The following FOCAD variants were observed in gnomAD, a reference collection of about 807,000 sequenced individuals.
The protein encoded by FOCAD is focadhesin.
In FOCAD, 198 loss-of-function variants were observed where a neutral mutation model predicts 225.6. The observed-to-expected ratio is 0.88, with a 90% CI of 0.78 to 0.99. FOCAD has a LOEUF of 0.99. Ranked by LOEUF, FOCAD falls within the 50% of genes least tolerant of loss-of-function variation. The probability of loss-of-function intolerance (pLI) is 0.00; values close to 1 mark genes in which losing one functional copy is unlikely to be tolerated. For missense variants in FOCAD, 2,713 were observed against 2,123.6 expected (o/e 1.28, Z -5.46); for synonymous variants, 897 against 755.0 (o/e 1.19, Z -3.08).
chr9:20,727,610 TTA>T (rs141158156), intron 4 of FOCAD, among the ~76,000 whole-genome samples: 2,521 of 152,342 alleles, frequency 0.017, 79 homozygotes, highest in African/African-American at 0.058. Context: ...TTGTCTCTGT[TTA>T]TCTCTTTCAT....
At chr9:20,814,066 C>A (rs1352321058) in intron 11 of FOCAD, among the ~76,000 whole-genome samples, 2 of 152,092 alleles carry the variant, frequency 1.3e-5, no homozygotes, top group African/African-American at 4.8e-5. Context: ...TCACTTTCAG[C>A]CTGTGTGTGT....
intron 11 of FOCAD, among the ~76,000 whole-genome samples, chr9:20,796,573 G>C (rs1274321690): frequency 1.2e-4 from 18 of 152,288 alleles, no homozygotes; most frequent in Middle Eastern, 3.4e-3. Context: ...CAGTGATGAT[G>C]AGCATTTTTT....
At chr9:20,971,925 T>A (rs1839800268) in intron 35 of FOCAD, among the ~76,000 whole-genome samples, 1 of 152,174 alleles carries the variant, frequency 6.6e-6, no homozygotes, top group Non-Finnish European at 1.5e-5. Flanking sequence ...TCTAGCATGA[T>A]TTTCTTTTTT....
intron 11 of FOCAD, among the ~76,000 whole-genome samples, chr9:20,813,101 A>G (rs900746279): frequency 6.6e-6 from 1 of 152,144 alleles, no homozygotes; most frequent in Non-Finnish European, 1.5e-5. Context: ...TACTTCATAT[A>G]AGTGGAATAA....
intron 21 of FOCAD, among the ~76,000 whole-genome samples, chr9:20,891,336 C>T (rs983157915): frequency 3.3e-5 from 5 of 152,106 alleles, no homozygotes; most frequent in African/African-American, 1.2e-4. Context: ...CACTTGAAAC[C>T]AAAAGCTAGA....
Position 20,948,382 on chromosome 9 carries a change from G to C in FOCAD, c.3787G>C (p.Val1263Leu). 1.9e-6 allele frequency: 3 copies of C among 1,611,754 alleles called. No individual in the cohort carries two copies. Among genetic ancestry groups the C allele is most frequent in the Non-Finnish European group, 2.5e-6 (3 of 1,178,460 alleles). ...SKLLPAWIRI[V>L]LTEGTPTMLC... ...ACTACTCCCTGCCTGGATCAGAATT[G>C]TTCTAACAGAGGTAGAGGTCACCTG... The change falls in exon 31 of 44, where the codon GTT becomes CTT. Residue 1263 changes from valine to leucine, a missense_variant. By Grantham distance (32) the Val-to-Leu change is conservative. Transcript: ENST00000338382.
intron 20 of FOCAD, 152 bp downstream of exon 20, chr9:20,882,208 C>G (rs904427620): frequency 7.4e-6 from 5 of 672,672 alleles, no homozygotes; most frequent in Middle Eastern, 4.0e-4. Context: ...TAAAAGACAT[C>G]GCAGAACTGT....
chr9:20,744,933 A>G (rs1827925649), intron 5 of FOCAD, among the ~76,000 whole-genome samples: 1 of 152,124 alleles, frequency 6.6e-6, no homozygotes, highest in Non-Finnish European at 1.5e-5. Flanking sequence ...TGCAGGTACT[A>G]TTTTCAAGAA....
intron 23 of FOCAD, among the ~76,000 whole-genome samples, chr9:20,915,514 C>T (rs1387870275): frequency 6.6e-6 from 1 of 152,054 alleles, no homozygotes; most frequent in African/African-American, 2.4e-5. Flanking sequence ...TAGATTCAGT[C>T]TCTTGAAAAT....
In FOCAD at chr9:20,929,621, C is replaced by T; in HGVS notation, c.3317+25C>T. On this transcript the variant is annotated intron_variant, in intron 27 of 43. Transcript: ENST00000338382. ...GGTACAGTTTATTAAAATATTCCTG[C>T]TTTTCTTCTTTGTGATTTTTTGCAA... 3 of 1,593,940 alleles carry T rather than the reference C, an allele frequency of 1.9e-6. No individual in the cohort carries two copies. In the Admixed American group the frequency reaches 5.1e-5, roughly 27 times the overall value.
In FOCAD at chr9:20,876,621, A is replaced by T. The variant is rs564766855; in HGVS notation, c.2317+1814A>T. Among the ~76,000 whole-genome samples the T allele has an allele frequency of 2.0e-5, 3 of 152,274 alleles. No individual in the cohort carries two copies. In the East Asian group the frequency reaches 5.8e-4, roughly 29 times the overall value. On this transcript the variant is annotated intron_variant, in intron 19 of 43. Coordinates refer to ENST00000338382, the MANE Select transcript of FOCAD (RefSeq NM_001375567.1). ...TTGTTTGAGAAAATTTAGTAATTTGAGTGAGGTGGGTGATCTAGATGCTAT... is the reference window on the plus strand; with the variant it reads ...TTGTTTGAGAAAATTTAGTAATTTGTGTGAGGTGGGTGATCTAGATGCTAT...
intron 16 of FOCAD, among the ~76,000 whole-genome samples, chr9:20,864,698 T>C (rs911905819): frequency 1.3e-5 from 2 of 152,134 alleles, no homozygotes; most frequent in Admixed American, 6.6e-5. Context: ...GATTTAATTA[T>C]AGTGTATTTT....
intron 2 of FOCAD, among the ~76,000 whole-genome samples, chr9:20,659,874 C>A (rs891037034): frequency 6.6e-6 from 1 of 152,098 alleles, no homozygotes; most frequent in African/African-American, 2.4e-5. Context: ...AAGGCAGTGA[C>A]CATCGGAGTG....
chr9:20,767,780 G>C (rs1417896244), intron 7 of FOCAD, among the ~76,000 whole-genome samples: 2 of 148,118 alleles, frequency 1.4e-5, no homozygotes, highest in Non-Finnish European at 3.0e-5. Context: ...TAGGTTGCCT[G>C]TTCACTCTGA....
chr9:20,970,868 T>C (rs936242114), intron 35 of FOCAD, among the ~76,000 whole-genome samples: 2 of 152,206 alleles, frequency 1.3e-5, no homozygotes, highest in Non-Finnish European at 2.9e-5. Context: ...AAATATATGA[T>C]TTTATGACAT....
intron 11 of FOCAD, among the ~76,000 whole-genome samples, chr9:20,817,263 A>C (rs1823821780): frequency 6.6e-6 from 1 of 152,166 alleles, no homozygotes; most frequent in Non-Finnish European, 1.5e-5. Context: ...AATGGCTTTT[A>C]TTATATTTAC....
intron 8 of FOCAD, among the ~76,000 whole-genome samples, chr9:20,773,238 C>G (rs1204868845): frequency 1.3e-5 from 2 of 152,106 alleles, no homozygotes; most frequent in Admixed American, 1.3e-4. Flanking sequence ...AAGCAGATGC[C>G]TATGGCAAAC....
chr9:20,866,917 T>TTTAAAA lies in FOCAD; in HGVS notation c.2107-12_2107-11insTTAAAA. On this transcript the variant is annotated splice_polypyrimidine_tract_variant and intron_variant, in intron 17 of 43. Coordinates refer to ENST00000338382, the MANE Select transcript of FOCAD (RefSeq NM_001375567.1). ...TTTTTTTTTTTTTTTTTTTTTTTTT[T>TTTAAAA]ACCCTATCTAGGACCCAATTGTAGC... 3 of 764,968 alleles carry TTTAAAA rather than the reference T, an allele frequency of 3.9e-6. No homozygotes were observed. The highest frequency in any genetic ancestry group is 6.0e-6 in the Non-Finnish European group (3 of 498,464). The allele number at this position is 764,968 out of a possible 1,614,324, so 47.4% of individuals were successfully genotyped here. A position where few individuals can be genotyped will look rare whatever the true frequency, so the allele number is the denominator to read the frequency against.
At chr9:20,903,789 G>A (rs1458319083) in intron 21 of FOCAD, among the ~76,000 whole-genome samples, 1 of 151,896 alleles carries the variant, frequency 6.6e-6, no homozygotes, top group African/African-American at 2.4e-5. Context: ...CAATTCACTG[G>A]CATTTAGTAC....
Sources: allele counts gnomAD v4.1 joint callset (sites outside exome capture counted in the v4.1 genomes callset), GRCh38; gene constraint gnomAD v4.1.1; transcripts MANE v1.5; gene names NCBI Gene and HGNC (gene_info 2026-07-23, HGNC 2026-07-21).